SKAP2: variants seen among roughly 807,000 people sequenced by gnomAD.
The protein encoded by SKAP2 is src kinase-associated phosphoprotein 2.
In SKAP2, 28 loss-of-function variants were observed where a neutral mutation model predicts 54.9. The observed-to-expected ratio is 0.51, with a 90% CI of 0.38 to 0.70. The LOEUF is 0.70. Ranked by LOEUF, SKAP2 falls within the 30% of genes least tolerant of loss-of-function variation. SKAP2 has a pLI of 0.00. For synonymous variants in SKAP2, 137 were observed against 134.3 expected (o/e 1.02, Z -0.14); for missense variants, 356 against 424.1 (o/e 0.84, Z 1.41).
At chr7:26,676,891 A>G (rs578218861) in intron 11 of SKAP2, among the ~76,000 whole-genome samples, 5 of 152,368 alleles carry the variant, frequency 3.3e-5, no homozygotes, top group African/African-American at 1.2e-4. Flanking sequence ...GAATAATGAA[A>G]GGAGCAATAC....
chr7:26,855,148 C>T, intron 1 of SKAP2: 1 of 229,806 alleles, frequency 4.4e-6, no homozygotes. Flanking sequence ...TGTTTGGCAT[C>T]ATTAAACAAG....
rs1366961616 is a variant in SKAP2 at position 26,839,598 on chromosome 7, AT to A, written c.307+4431del. 8.6e-5 allele frequency among the ~76,000 whole-genome samples: 13 copies of A among 152,036 alleles called. No homozygotes were observed. In the East Asian group the frequency reaches 1.5e-3, roughly 18 times the overall value. The stretch of plus-strand genomic sequence containing the variant: ...ACCCTAAATGCTAAGTTATTGAAAA[AT>A]TTTTTTTCTAGTTTTAAACATTGTT... On this transcript the variant is annotated intron_variant, in intron 4 of 12. Transcript: ENST00000345317.
chr7:26,854,160 T>C lies in SKAP2; in HGVS notation c.176A>G (p.Tyr59Cys), dbSNP rs1461593957. Reference sequence around the variant, plus strand: ...ACCTTTGTCTTGAAATTCCTGAAGATAGCTACAAAACAAAGAACATATTTT... The same window carrying C: ...ACCTTTGTCTTGAAATTCCTGAAGACAGCTACAAAACAAAGAACATATTTT... Reference protein sequence around the residue: ...IKKIKDVKSIYLQEFQDKGDA... With the variant: ...IKKIKDVKSICLQEFQDKGDA... Residue 59 changes from tyrosine to cysteine, a missense_variant and splice_region_variant, in exon 3 of 13, where the codon TAT (tyrosine) becomes TGT (cysteine). Physicochemically the swap from Tyr to Cys is radical, Grantham distance 194. Transcript: ENST00000345317. 2 of 1,579,344 alleles carry C rather than the reference T, an allele frequency of 1.3e-6. No individual in the cohort carries two copies. Among genetic ancestry groups the C allele is most frequent in the African/African-American group, 1.4e-5 (1 of 73,324 alleles).
intron 6 of SKAP2, among the ~76,000 whole-genome samples, chr7:26,732,135 G>A (rs996371985): frequency 2.0e-5 from 3 of 152,182 alleles, no homozygotes; most frequent in Admixed American, 6.5e-5. Context: ...GGAGAGAGAT[G>A]GATTTTCCCT....
At chr7:26,859,473 T>A (rs561538141) in intron 1 of SKAP2, among the ~76,000 whole-genome samples, 7 of 152,332 alleles carry the variant, frequency 4.6e-5, no homozygotes, top group African/African-American at 1.7e-4. Context: ...CTTTTACAGG[T>A]TACAGATGAA....
In SKAP2 at chr7:26,684,825, T is replaced by A; in HGVS notation, c.898A>T (p.Asn300Tyr). 1 of 1,610,938 alleles carries A rather than the reference T, an allele frequency of 6.2e-7. No individual in the cohort carries two copies. Among genetic ancestry groups the A allele is most frequent in the Non-Finnish European group, 8.5e-7 (1 of 1,177,444 alleles). The change falls in exon 11 of 13, where the codon AAT (asparagine) becomes TAT (tyrosine). Residue 300 changes from asparagine to tyrosine, a missense_variant. By Grantham distance (143) the Asn-to-Tyr change is moderately radical. Transcript: ENST00000345317. Reference protein sequence around the residue: ...TSGDKSTDYANFYQGLWDCTG... With the variant: ...TSGDKSTDYAYFYQGLWDCTG... ...CAATCCCACAATCCCTGGTAAAAAT[T>A]AGCATAATCAGTGCTCTTATCCCCT...
chr7:26,713,764 T>C (rs1429726267), intron 9 of SKAP2, among the ~76,000 whole-genome samples: 1 of 151,980 alleles, frequency 6.6e-6, no homozygotes, highest in Non-Finnish European at 1.5e-5. Flanking sequence ...CACGCCCAGC[T>C]CATTTTTTGT....
At chr7:26,687,736 C>T (rs1468496891) in intron 10 of SKAP2, among the ~76,000 whole-genome samples, 3 of 151,946 alleles carry the variant, frequency 2.0e-5, no homozygotes, top group Admixed American at 6.6e-5. Flanking sequence ...GCCTCAAAAG[C>T]GCAGGTTTGC....
chr7:26,759,373 T>A lies in SKAP2; in HGVS notation c.308-19409A>T, dbSNP rs1782873621. ...TGAGTAGCAAATCAGTAATCAATAT[T>A]TGTAAAAGCAGCAGCTAATCCTTTG... On this transcript the variant is annotated intron_variant, in intron 4 of 12. Transcript: ENST00000345317. 2.0e-5 allele frequency among the ~76,000 whole-genome samples: 3 copies of A among 152,138 alleles called. No individual in the cohort carries two copies. In the South Asian group the frequency reaches 6.2e-4, roughly 32 times the overall value.
chr7:26,674,637 C>T (rs1346766268), intron 11 of SKAP2, among the ~76,000 whole-genome samples: 1 of 152,140 alleles, frequency 6.6e-6, no homozygotes, highest in Non-Finnish European at 1.5e-5. Flanking sequence ...CATTCAGGAA[C>T]CTGATTGAAG....
chr7:26,769,110 G>A (rs965104206), intron 4 of SKAP2, among the ~76,000 whole-genome samples: 5 of 151,970 alleles, frequency 3.3e-5, no homozygotes, highest in African/African-American at 4.8e-5. Flanking sequence ...ACGTAGGTTT[G>A]GTGTATTCAC....
At chr7:26,805,239 A>G (rs1784001124) in intron 4 of SKAP2, among the ~76,000 whole-genome samples, 1 of 152,216 alleles carries the variant, frequency 6.6e-6, no homozygotes, top group Admixed American at 6.5e-5. Flanking sequence ...ACAGACTATG[A>G]TGTCATATAT....
At chr7:26,700,429 G>C (rs1023733167) in intron 9 of SKAP2, among the ~76,000 whole-genome samples, 1 of 152,132 alleles carries the variant, frequency 6.6e-6, no homozygotes, top group Non-Finnish European at 1.5e-5. Context: ...CATCTGAAAA[G>C]GGATACCAGA....
intron 4 of SKAP2, among the ~76,000 whole-genome samples, chr7:26,757,649 C>G (rs1216815058): frequency 6.6e-6 from 1 of 152,166 alleles, no homozygotes; most frequent in East Asian, 1.9e-4. Context: ...ATTGACTTGG[C>G]AATGCGGGCT....
intron 9 of SKAP2, among the ~76,000 whole-genome samples, chr7:26,703,266 T>C (rs1038510660): frequency 6.6e-6 from 1 of 152,242 alleles, no homozygotes; most frequent in Non-Finnish European, 1.5e-5. Flanking sequence ...ATAATTTTCA[T>C]GATATCCACC....
intron 9 of SKAP2, among the ~76,000 whole-genome samples, chr7:26,702,109 TCTCA>T (rs777247544): frequency 1.9e-4 from 29 of 152,306 alleles, no homozygotes; most frequent in Admixed American, 1.4e-3. Context: ...CATCCTTCTG[TCTCA>T]CTCATTTTAA....
intron 9 of SKAP2, among the ~76,000 whole-genome samples, chr7:26,703,109 G>A (rs1355719851): frequency 2.0e-5 from 3 of 152,198 alleles, no homozygotes; most frequent in Admixed American, 1.3e-4. Context: ...GAGAACCATG[G>A]CTCAGAGCCG....
chr7:26,767,694 A>T (rs538227287), intron 4 of SKAP2, among the ~76,000 whole-genome samples: 1 of 152,176 alleles, frequency 6.6e-6, no homozygotes, highest in Admixed American at 6.5e-5. Context: ...GAACTTATTT[A>T]TTTCTGCCTT....
At chr7:26,744,226 C>T (rs1285172861) in intron 4 of SKAP2, among the ~76,000 whole-genome samples, 1 of 151,750 alleles carries the variant, frequency 6.6e-6, no homozygotes, top group East Asian at 1.9e-4. Flanking sequence ...TAAGTTTTAT[C>T]TTTTAAAAAG....
Sources: gnomAD v4.1 joint callset for allele counts (sites outside exome capture counted in the v4.1 genomes callset) on GRCh38, gnomAD v4.1.1 for gene constraint, MANE v1.5 for transcripts, NCBI Gene and HGNC (gene_info 2026-07-23, HGNC 2026-07-21) for gene names.